The following RALYL variants were observed in gnomAD, a reference collection of about 807,000 sequenced individuals.
RALYL encodes RNA-binding Raly-like protein.
RALYL carries 29 observed loss-of-function variants against 35.1 expected under a neutral mutation model. That is an observed-to-expected ratio of 0.83 (90% CI 0.61 to 1.13). RALYL has a LOEUF of 1.13. RALYL is among the 50% of genes most tolerant of loss of function. The probability of loss-of-function intolerance (pLI) is 0.00; values close to 1 mark genes in which losing one functional copy is unlikely to be tolerated. For synonymous variants in RALYL, 120 were observed against 127.6 expected, an observed-to-expected ratio of 0.94 and a Z score of 0.40; for missense variants, 359 against 360.4, an observed-to-expected ratio of 1.00 and a Z score of 0.03.
At chr8:84,356,816 C>T (rs760726498) in intron 1 of RALYL, among the ~76,000 whole-genome samples, 1 of 148,870 alleles carries the variant, frequency 6.7e-6, no homozygotes, top group Non-Finnish European at 1.5e-5. Flanking sequence ...TGTCATAACA[C>T]AGTAAAATAA....
intron 1 of RALYL, among the ~76,000 whole-genome samples, chr8:84,196,403 T>C (rs1006372368): frequency 6.6e-6 from 1 of 152,228 alleles, no homozygotes; most frequent in African/African-American, 2.4e-5. Context: ...TATGTAACTG[T>C]AAATTTTCTA....
chr8:84,573,162 A>G (rs1312806162), intron 2 of RALYL, among the ~76,000 whole-genome samples: 1 of 151,400 alleles, frequency 6.6e-6, no homozygotes, highest in Non-Finnish European at 1.5e-5. Context: ...AATAAATTTA[A>G]AAAATTTTTT....
chr8:84,455,880 T>G (rs879356574), intron 1 of RALYL, among the ~76,000 whole-genome samples: 11 of 152,050 alleles, frequency 7.2e-5, no homozygotes, highest in Admixed American at 6.6e-4. Flanking sequence ...GCAGTTCATC[T>G]AGTCTGATTG....
intron 2 of RALYL, chr8:84,706,191 C>A (rs533451777): frequency 3.6e-6 from 3 of 831,714 alleles, no homozygotes; most frequent in South Asian, 1.7e-5. Flanking sequence ...TTTTCTCACC[C>A]TAACCTTTAT....
chr8:84,294,832 C>T (rs1839458525), intron 1 of RALYL, among the ~76,000 whole-genome samples: 2 of 151,748 alleles, frequency 1.3e-5, no homozygotes, highest in Non-Finnish European at 2.9e-5. Context: ...CATGGGGAAG[C>T]TGTAGGTGGG....
chr8:84,246,074 A>T (rs992021775), intron 1 of RALYL, among the ~76,000 whole-genome samples: 2 of 152,120 alleles, frequency 1.3e-5, no homozygotes, highest in African/African-American at 4.8e-5. Flanking sequence ...TGGGAGAGAG[A>T]TGTTCTTTGG....
At chr8:84,468,995 C>A (rs367938682) in intron 1 of RALYL, among the ~76,000 whole-genome samples, 2 of 151,460 alleles carry the variant, frequency 1.3e-5, no homozygotes, top group East Asian at 3.9e-4. Context: ...TCAGCTCCAT[C>A]AGCTCCTTTA....
chr8:84,706,010 T>A, intron 2 of RALYL: 1 of 1,535,246 alleles, frequency 6.5e-7, no homozygotes, highest in Non-Finnish European at 8.7e-7. Flanking sequence ...TTAGAAAGTC[T>A]AATTTTTTTC....
At chr8:84,897,265 G>T (rs749517279) in intron 8 of RALYL, among the ~76,000 whole-genome samples, 13 of 152,096 alleles carry the variant, frequency 8.5e-5, no homozygotes, top group Admixed American at 4.6e-4. Context: ...ATCTCATTTT[G>T]CCAGTGAAGC....
intron 5 of RALYL, among the ~76,000 whole-genome samples, chr8:84,851,195 C>T (rs1035298854): frequency 2.0e-5 from 3 of 152,074 alleles, no homozygotes; most frequent in Non-Finnish European, 4.4e-5. Flanking sequence ...TGATCTGAAA[C>T]AAGTGAGTGA....
intron 2 of RALYL, among the ~76,000 whole-genome samples, chr8:84,552,251 A>C (rs2060774733): frequency 6.7e-6 from 1 of 149,588 alleles, no homozygotes; most frequent in Non-Finnish European, 1.5e-5. Flanking sequence ...AATACAAATA[A>C]GATGGTTGTA....
At chr8:84,791,221 C>T (rs888595049) in intron 3 of RALYL, among the ~76,000 whole-genome samples, 3 of 152,018 alleles carry the variant, frequency 2.0e-5, no homozygotes, top group Non-Finnish European at 2.9e-5. Context: ...TTTGAGCAGC[C>T]GTGAAGGGGG....
chr8:84,437,176 A>G (rs1368716559), intron 1 of RALYL, among the ~76,000 whole-genome samples: 3 of 152,148 alleles, frequency 2.0e-5, no homozygotes, highest in South Asian at 2.1e-4. Flanking sequence ...AGCTGCATCC[A>G]TGTTGCTGCA....
intron 1 of RALYL, among the ~76,000 whole-genome samples, chr8:84,210,315 A>C (rs187691028): frequency 1.3e-4 from 20 of 152,130 alleles, no homozygotes; most frequent in Admixed American, 1.3e-3. Flanking sequence ...ATAAATCTTT[A>C]AATCCTGTAT....
At chr8:84,223,197 T>TCCATTCCC (rs1822890644) in intron 1 of RALYL, among the ~76,000 whole-genome samples, 1 of 107,890 alleles carries the variant, frequency 9.3e-6, no homozygotes, top group Admixed American at 9.6e-5. Flanking sequence ...TCCCTTCCCT[T>TCCATTCCC]CCCTTCCATT....
intron 2 of RALYL, among the ~76,000 whole-genome samples, chr8:84,667,346 A>C (rs1163284813): frequency 6.6e-6 from 1 of 151,926 alleles, no homozygotes; most frequent in African/African-American, 2.4e-5. Context: ...GATTTTATGG[A>C]CCATTATTTT....
chr8:84,798,818 G>A (rs1292477561), intron 3 of RALYL, among the ~76,000 whole-genome samples: 4 of 152,110 alleles, frequency 2.6e-5, no homozygotes, highest in Non-Finnish European at 4.4e-5. Context: ...CACATATGCC[G>A]AAGCACAAGA....
Position 84,383,514 on chromosome 8 carries a change from T to C in RALYL, c.-23-145785T>C, listed in dbSNP as rs765947257. Among the ~76,000 whole-genome samples the C allele has an allele frequency of 1.3e-3, 198 of 151,668 alleles. 2 individuals carry two copies. Among genetic ancestry groups the C allele is most frequent in the Non-Finnish European group, 9.3e-4 (63 of 67,708 alleles). On this transcript the variant is annotated intron_variant, in intron 1 of 8. Transcript: ENST00000521268. ...GAAAAGAGTATGTTTGGAAATTTTGTGTTATTTTATCTAGATATAAAGGAT... is the reference window on the plus strand; with the variant it reads ...GAAAAGAGTATGTTTGGAAATTTTGCGTTATTTTATCTAGATATAAAGGAT...
At chr8:84,254,247 G>C (rs1366831591) in intron 1 of RALYL, among the ~76,000 whole-genome samples, 2 of 151,922 alleles carry the variant, frequency 1.3e-5, no homozygotes, top group African/African-American at 4.8e-5. Context: ...TTTTTAAAAA[G>C]CAGTAAACTA....
Sources: gnomAD v4.1 joint callset for allele counts (sites outside exome capture counted in the v4.1 genomes callset) on GRCh38, gnomAD v4.1.1 for gene constraint, MANE v1.5 for transcripts, NCBI Gene and HGNC (gene_info 2026-07-23, HGNC 2026-07-21) for gene names.